The following ATP6V0D2 variants were observed in gnomAD, a reference collection of about 807,000 sequenced individuals.
ATP6V0D2 encodes the protein V-type proton ATPase subunit d 2.
ATP6V0D2 carries 40 observed loss-of-function variants against 40.0 expected under a neutral mutation model. The ratio of observed to expected loss-of-function variants is 1.00; its 90% CI spans 0.78 to 1.30. The LOEUF (loss-of-function observed/expected upper bound fraction) is 1.30. ATP6V0D2 is among the 50% of genes most tolerant of loss of function. The probability of loss-of-function intolerance (pLI) is 0.00; values close to 1 mark genes in which losing one functional copy is unlikely to be tolerated. For synonymous variants in ATP6V0D2, 179 were observed against 156.3 expected, an observed-to-expected ratio of 1.15 and a Z score of -1.08; for missense variants, 470 against 423.1, an observed-to-expected ratio of 1.11 and a Z score of -0.97.
At chr8:86,125,954 C>A (rs7813727) in intron 2 of ATP6V0D2, among the ~76,000 whole-genome samples, 67 of 148,332 alleles carry the variant, frequency 4.5e-4, no homozygotes, top group Middle Eastern at 3.6e-3. Context: ...ATTTGTTTTT[C>A]TGAGACAGAG....
intron 1 of ATP6V0D2, among the ~76,000 whole-genome samples, chr8:86,106,424 T>G (rs184825661): frequency 6.6e-6 from 1 of 152,354 alleles, no homozygotes; most frequent in East Asian, 1.9e-4. Flanking sequence ...TGAGCACTGA[T>G]AAGTGCTTTC....
intron 2 of ATP6V0D2, among the ~76,000 whole-genome samples, chr8:86,115,724 G>A (rs1029355613): frequency 6.6e-6 from 1 of 152,044 alleles, no homozygotes; most frequent in African/African-American, 2.4e-5. Context: ...CTTCAGTCCA[G>A]TGAACAAGAA....
At chr8:86,150,697 C>T (rs776947043) in intron 6 of ATP6V0D2, among the ~76,000 whole-genome samples, 13 of 152,174 alleles carry the variant, frequency 8.5e-5, no homozygotes, top group South Asian at 2.1e-4. Context: ...TCTAGGTGGA[C>T]GGCAAGGAAC....
At chr8:86,113,576 G>T (rs913002919) in intron 1 of ATP6V0D2, 133 bp from the exon 2 acceptor site, 17 of 717,740 alleles carry the variant, frequency 2.4e-5, no homozygotes, top group Admixed American at 9.0e-5. Flanking sequence ...ATCATATTTA[G>T]ACCTTATATT....
At chr8:86,128,737 T>C (rs754489075) in intron 2 of ATP6V0D2, among the ~76,000 whole-genome samples, 2 of 152,246 alleles carry the variant, frequency 1.3e-5, no homozygotes, top group Non-Finnish European at 2.9e-5. Context: ...ATAGGTTTTA[T>C]GAAATAGGTG....
chr8:86,149,140 C>T (rs539110923), intron 5 of ATP6V0D2, among the ~76,000 whole-genome samples: 1 of 148,030 alleles, frequency 6.8e-6, no homozygotes, highest in South Asian at 2.1e-4. Flanking sequence ...AATGCAGGCA[C>T]AGATTTCAAA....
Position 86,113,858 on chromosome 8 carries a change from A to G in ATP6V0D2, c.280A>G (p.Ser94Gly). The G allele has an allele frequency of 6.2e-7, 1 of 1,613,646 alleles. No homozygotes were observed. Among genetic ancestry groups the G allele is most frequent in the Non-Finnish European group, 8.5e-7 (1 of 1,179,812 alleles). The change falls in exon 2 of 8, where the codon AGC (serine) becomes GGC (glycine). Residue 94 changes from serine to glycine, a missense_variant. By Grantham distance (56) the Ser-to-Gly change is moderately conservative (BLOSUM62 0). Coordinates refer to ENST00000285393, the MANE Select transcript of ATP6V0D2 (RefSeq NM_152565.1). ...YFRNHSLEPL[S>G]TFLTYMTCSY... ...CCGGAATCATTCCCTGGAGCCCCTCAGCACATTTCTCACCTATATGACGTA... is the reference window on the plus strand; with the variant it reads ...CCGGAATCATTCCCTGGAGCCCCTCGGCACATTTCTCACCTATATGACGTA...
At chr8:86,136,336 C>T (rs893904746) in intron 2 of ATP6V0D2, among the ~76,000 whole-genome samples, 4 of 152,162 alleles carry the variant, frequency 2.6e-5, no homozygotes, top group Middle Eastern at 3.2e-3. Context: ...TGACGCTGGT[C>T]GCCCGTCAAC....
At chr8:86,134,188 GA>G (rs977098164) in intron 2 of ATP6V0D2, among the ~76,000 whole-genome samples, 2 of 150,412 alleles carry the variant, frequency 1.3e-5, no homozygotes, top group South Asian at 2.1e-4. Flanking sequence ...CTAAAGACAA[GA>G]AAAAAAAATA....
At chr8:86,118,130 C>T (rs1818620037) in intron 2 of ATP6V0D2, among the ~76,000 whole-genome samples, 1 of 128,748 alleles carries the variant, frequency 7.8e-6, no homozygotes, top group Non-Finnish European at 1.6e-5. Flanking sequence ...TGTTGTGTTG[C>T]CCAGACGTGA....
rs191815126 is a variant in ATP6V0D2, at chr8:86,111,024, C to T, written c.131-2685C>T. Among the ~76,000 whole-genome samples the T allele has an allele frequency of 1.6e-4, 24 of 152,158 alleles. No individual in the cohort carries two copies. In the East Asian group the frequency reaches 4.2e-3, roughly 27 times the overall value. On this transcript the variant is annotated intron_variant, in intron 1 of 7. Transcript: ENST00000285393. ...TACTCTTTACATGATTTTAAAAATA[C>T]AATAAATTGTTATTTACTATAGTCA...
rs538711986 is a variant in ATP6V0D2 at position 86,146,047 on chromosome 8, G to C, written c.639+3093G>C. ...GTAAGTCACGATTGGAATGCAAGCA[G>C]TTGGCTCACGTACTTATGTGCTTAT... On this transcript the variant is annotated intron_variant, in intron 5 of 7. Transcript: ENST00000285393. 1.5e-3 allele frequency among the ~76,000 whole-genome samples: 222 copies of C among 152,296 alleles called. 1 individual carries two copies. Among genetic ancestry groups the C allele is most frequent in the Non-Finnish European group, 1.7e-3 (116 of 68,034 alleles).
chr8:86,142,403 A>G (rs1419392820), intron 4 of ATP6V0D2, among the ~76,000 whole-genome samples: 2 of 152,226 alleles, frequency 1.3e-5, no homozygotes, highest in Non-Finnish European at 2.9e-5. Flanking sequence ...GGAAGAAGTC[A>G]GTTAGCTAAA....
Position 86,142,927 on chromosome 8 carries a change from A to G in ATP6V0D2, c.612A>G (p.Thr204=). 1 of 1,610,902 alleles carries G rather than the reference A, an allele frequency of 6.2e-7. No homozygotes were observed. Among genetic ancestry groups the G allele is most frequent in the Non-Finnish European group, 8.5e-7 (1 of 1,178,126 alleles). ...TCTGTAAGAATCATGGTGATGTCACAGCAGAAGTTATGTGTCCCATTCTTG... is the reference window on the plus strand; with the variant it reads ...TCTGTAAGAATCATGGTGATGTCACGGCAGAAGTTATGTGTCCCATTCTTG... The part of the protein sequence containing the change: ...YKFCKNHGDV[T]AEVMCPILEF... The change falls in exon 5 of 8, where the codon ACA becomes ACG. Residue 204 remains threonine, a synonymous_variant. Transcript: ENST00000285393.
At chr8:86,129,463 C>G (rs761968535) in intron 2 of ATP6V0D2, among the ~76,000 whole-genome samples, 1 of 151,892 alleles carries the variant, frequency 6.6e-6, no homozygotes, top group Non-Finnish European at 1.5e-5. Flanking sequence ...ACTGCCTGAG[C>G]CCAGGAGTTT....
At chr8:86,150,038 T>C (rs1251654541) in intron 5 of ATP6V0D2, 74 bp from the exon 6 acceptor site, 5 of 1,323,586 alleles carry the variant, frequency 3.8e-6, no homozygotes, top group African/African-American at 1.5e-5. Context: ...CAGAAATGAA[T>C]GTGTGCACTT....
At chr8:86,115,246 A>AAAATGATGGCGCTGCCTC (rs1818577738) in intron 2 of ATP6V0D2, among the ~76,000 whole-genome samples, 1 of 152,062 alleles carries the variant, frequency 6.6e-6, no homozygotes, top group South Asian at 2.1e-4. Context: ...GTTGAACGAT[A>AAAATGATGGCGCTGCCTC]AAATGATGGC....
At chr8:86,129,776 C>T (rs1440289579) in intron 2 of ATP6V0D2, among the ~76,000 whole-genome samples, 1 of 151,046 alleles carries the variant, frequency 6.6e-6, no homozygotes. Context: ...GCACTCCAGC[C>T]TGGGCAACAG....
chr8:86,101,206 C>G (rs1818392636), intron 1 of ATP6V0D2, among the ~76,000 whole-genome samples: 1 of 150,224 alleles, frequency 6.7e-6, no homozygotes, highest in South Asian at 2.1e-4. Flanking sequence ...TGCCTGTAAT[C>G]CTAGCATTTT....
Sources: allele counts gnomAD v4.1 joint callset (sites outside exome capture counted in the v4.1 genomes callset), GRCh38; gene constraint gnomAD v4.1.1; transcripts MANE v1.5; gene names NCBI Gene and HGNC (gene_info 2026-07-23, HGNC 2026-07-21).